Variants in GMDS observed in about 807,000 individuals in gnomAD.
GMDS encodes GDP-mannose 4,6-dehydratase, also known as GDP-mannose 4,6 dehydratase.
GMDS carries 20 observed loss-of-function variants against 49.9 expected under a neutral mutation model. The ratio of observed to expected loss-of-function variants is 0.40; its 90% CI spans 0.28 to 0.58. The LOEUF (loss-of-function observed/expected upper bound fraction) is 0.58. Ranked by LOEUF, GMDS falls within the 20% of genes least tolerant of loss-of-function variation. GMDS has a pLI of 0.42. For missense variants in GMDS, 362 were observed against 481.4 expected (o/e 0.75, Z 2.32); for synonymous variants, 177 against 178.6 (o/e 0.99, Z 0.07).
chr6:2,123,786 G>A (rs1472805277), intron 2 of GMDS, among the ~76,000 whole-genome samples: 1 of 152,138 alleles, frequency 6.6e-6, no homozygotes, highest in East Asian at 1.9e-4. Flanking sequence ...GGGTACAGAA[G>A]GTGCTAAACA....
intron 8 of GMDS, among the ~76,000 whole-genome samples, chr6:1,732,679 A>G (rs1766859535): frequency 6.6e-6 from 1 of 152,206 alleles, no homozygotes; most frequent in South Asian, 2.1e-4. Context: ...GCAGAACAAC[A>G]AACATTTCTG....
chr6:2,077,377 T>C (rs1038337152), intron 4 of GMDS, among the ~76,000 whole-genome samples: 1 of 152,156 alleles, frequency 6.6e-6, no homozygotes, highest in African/African-American at 2.4e-5. Context: ...AAGCAAAGAC[T>C]TTCAACTTTT....
chr6:1,631,499 C>A lies in GMDS; in HGVS notation c.988-6959G>T, dbSNP rs377749677. On this transcript the variant is annotated intron_variant, in intron 9 of 10. Coordinates refer to ENST00000380815, the MANE Select transcript of GMDS (RefSeq NM_001500.4). ...CTACCCACCTCTTAGAAATGTCCCC[C>A]CCTCCGCCCCACCACCACTGCTTCG... Among the ~76,000 whole-genome samples the A allele has an allele frequency of 1.0e-3, 152 of 152,088 alleles. No individual in the cohort carries two copies. In the South Asian group the frequency reaches 0.03, roughly 30 times the overall value.
chr6:1,690,401 G>A (rs1365562902), intron 9 of GMDS, among the ~76,000 whole-genome samples: 1 of 152,134 alleles, frequency 6.6e-6, no homozygotes, highest in African/African-American at 2.4e-5. Context: ...TCTGTGTAAG[G>A]TATAAGGAAG....
At chr6:1,922,423 T>C (rs765653237) in intron 7 of GMDS, among the ~76,000 whole-genome samples, 3 of 152,210 alleles carry the variant, frequency 2.0e-5, no homozygotes, top group Non-Finnish European at 4.4e-5. Flanking sequence ...GGTCTACTGA[T>C]GGTGACAGAG....
At chr6:1,918,727 TGACA>T (rs1265548763) in intron 7 of GMDS, among the ~76,000 whole-genome samples, 20 of 152,152 alleles carry the variant, frequency 1.3e-4, no homozygotes, top group East Asian at 1.9e-4. Flanking sequence ...CCAGTATGGG[TGACA>T]GAGTGAGACC....
intron 8 of GMDS, among the ~76,000 whole-genome samples, chr6:1,741,923 CTTTCT>C (rs1561772813): frequency 9.6e-6 from 1 of 104,338 alleles, no homozygotes; most frequent in East Asian, 3.1e-4. Flanking sequence ...GTAAAAACAT[CTTTCT>C]TTTTTTTTTT....
intron 1 of GMDS, among the ~76,000 whole-genome samples, chr6:2,156,713 T>A (rs1777131335): frequency 6.6e-6 from 1 of 152,214 alleles, no homozygotes; most frequent in African/African-American, 2.4e-5. Flanking sequence ...TCACTATTTT[T>A]AAAAGATGAA....
intron 4 of GMDS, among the ~76,000 whole-genome samples, chr6:2,100,490 T>A (rs1773858615): frequency 6.6e-6 from 1 of 151,938 alleles, no homozygotes; most frequent in African/African-American, 2.4e-5. Context: ...TGCAACCAAC[T>A]ATTTTATTTT....
At chr6:2,172,171 TC>T (rs1406917738) in intron 1 of GMDS, among the ~76,000 whole-genome samples, 1 of 151,854 alleles carries the variant, frequency 6.6e-6, no homozygotes, top group African/African-American at 2.4e-5. Flanking sequence ...TGAATTGACC[TC>T]CCCAATATTA....
chr6:2,143,387 A>G (rs878874167), intron 1 of GMDS, among the ~76,000 whole-genome samples: 1 of 151,952 alleles, frequency 6.6e-6, no homozygotes, highest in Admixed American at 6.6e-5. Context: ...AGACTTAACC[A>G]CTGCCATCCA....
chr6:1,951,005 G>A (rs1257486431), intron 6 of GMDS, among the ~76,000 whole-genome samples: 1 of 151,960 alleles, frequency 6.6e-6, no homozygotes, highest in Non-Finnish European at 1.5e-5. Context: ...TCCTCCGTTG[G>A]GACAAGAAAA....
chr6:1,683,273 G>C (rs923547786), intron 9 of GMDS, among the ~76,000 whole-genome samples: 27 of 152,200 alleles, frequency 1.8e-4, no homozygotes, highest in African/African-American at 6.5e-4. Context: ...ACAGGCGCCC[G>C]CCACCACGCC....
chr6:1,920,746 G>A (rs1261009731), intron 7 of GMDS, among the ~76,000 whole-genome samples: 1 of 152,218 alleles, frequency 6.6e-6, no homozygotes, highest in East Asian at 1.9e-4. Context: ...GGAGACGTCA[G>A]TGAAAGAAGA....
intron 9 of GMDS, among the ~76,000 whole-genome samples, chr6:1,693,383 C>T (rs79852430): frequency 0.012 from 1,765 of 152,308 alleles, 8 homozygotes; most frequent in Non-Finnish European, 0.017. Context: ...GTCCGGCTGC[C>T]CTGAACTCTG....
At chr6:2,233,183 C>T (rs546308016) in intron 1 of GMDS, among the ~76,000 whole-genome samples, 2 of 152,200 alleles carry the variant, frequency 1.3e-5, no homozygotes, top group Admixed American at 6.5e-5. Flanking sequence ...TCAGATTCCA[C>T]GATATTACTC....
chr6:2,056,499 T>A (rs186290543), intron 4 of GMDS, among the ~76,000 whole-genome samples: 1 of 152,324 alleles, frequency 6.6e-6, no homozygotes, highest in East Asian at 1.9e-4. Flanking sequence ...AGAGGGCCAT[T>A]CCATGCTGTG....
chr6:2,122,203 C>T (rs1232459129), intron 2 of GMDS, among the ~76,000 whole-genome samples: 1 of 152,188 alleles, frequency 6.6e-6, no homozygotes, highest in Non-Finnish European at 1.5e-5. Context: ...ATCACCTGAT[C>T]TCATCTAAAC....
chr6:2,204,458 G>A (rs1007000788), intron 1 of GMDS, among the ~76,000 whole-genome samples: 1 of 152,146 alleles, frequency 6.6e-6, no homozygotes, highest in Non-Finnish European at 1.5e-5. Flanking sequence ...TGCTGCTTTA[G>A]GCATGTAGGG....
Sources: allele counts gnomAD v4.1 joint callset (sites outside exome capture counted in the v4.1 genomes callset), GRCh38; gene constraint gnomAD v4.1.1; transcripts MANE v1.5; gene names NCBI Gene and HGNC (gene_info 2026-07-23, HGNC 2026-07-21).